The following DDAH1 variants were observed in gnomAD, a reference collection of about 807,000 sequenced individuals.
DDAH1 encodes dimethylarginine dimethylaminohydrolase 1.
A neutral mutation model predicts 28.8 loss-of-function variants in DDAH1; 19 were observed. The ratio of observed to expected loss-of-function variants is 0.66; its 90% CI spans 0.46 to 0.97. The LOEUF (loss-of-function observed/expected upper bound fraction) is 0.97, where lower values mean the gene tolerates loss of function less well. DDAH1 is among the 50% of genes least tolerant of loss of function. The probability of loss-of-function intolerance (pLI) is 0.00; values close to 1 mark genes in which losing one functional copy is unlikely to be tolerated. For synonymous variants in DDAH1, 153 were observed against 154.4 expected, an observed-to-expected ratio of 0.99 and a Z score of 0.07; for missense variants, 326 against 375.9, an observed-to-expected ratio of 0.87 and a Z score of 1.10.
chr1:85,489,667 G>A (rs1175935164), intron 2 of DDAH1, among the ~76,000 whole-genome samples: 1 of 151,970 alleles, frequency 6.6e-6, no homozygotes, highest in Non-Finnish European at 1.5e-5. Context: ...AGATAGAAGG[G>A]AAAAGATGGA....
intron 2 of DDAH1, among the ~76,000 whole-genome samples, chr1:85,480,387 T>A (rs1655965652): frequency 6.6e-6 from 1 of 152,216 alleles, no homozygotes; most frequent in Admixed American, 6.5e-5. Flanking sequence ...ATTAAGTGAC[T>A]AAGTGTGCTA....
chr1:85,441,813 A>G (rs547050234), intron 1 of DDAH1, among the ~76,000 whole-genome samples: 1 of 152,352 alleles, frequency 6.6e-6, no homozygotes, highest in East Asian at 1.9e-4. Flanking sequence ...GATTCAGCAG[A>G]AGAAAGATCT....
chr1:85,558,704 T>C (rs1227382848), intron 1 of DDAH1, among the ~76,000 whole-genome samples: 2 of 152,176 alleles, frequency 1.3e-5, no homozygotes, highest in Non-Finnish European at 2.9e-5. Flanking sequence ...CTAAAAGTAG[T>C]ATATAAGTTA....
Position 85,464,752 on chromosome 1 carries a change from C to G in DDAH1, c.294G>C (p.Arg98=), listed in dbSNP as rs1471365741. The change falls in exon 1 of 6, where the codon CGG becomes CGC. Residue 98 remains arginine (R), a synonymous_variant. Transcript: ENST00000284031. The surrounding 1 kb of genome is among the most constrained non-coding windows in gnomAD (Gnocchi z 4.4). ...ALITRPGAPS[R]RKEVDMMKEA... Reference sequence around the variant, plus strand: ...TCGAGTCGGCAGTTACCTCCTTCCTCCGGCTCGGCGCCCCGGGTCGGGTGA... The same window carrying G: ...TCGAGTCGGCAGTTACCTCCTTCCTGCGGCTCGGCGCCCCGGGTCGGGTGA... The G allele has an allele frequency of 3.2e-6, 5 of 1,546,982 alleles. No homozygotes were observed. Among genetic ancestry groups the G allele is most frequent in the Non-Finnish European group, 4.3e-6 (5 of 1,152,332 alleles).
At chr1:85,332,477 C>T (rs959875052) in intron 4 of DDAH1, among the ~76,000 whole-genome samples, 10 of 152,222 alleles carry the variant, frequency 6.6e-5, no homozygotes, top group African/African-American at 2.4e-5. Flanking sequence ...TGAGGTCAGG[C>T]TGCCACCATT....
chr1:85,511,969 A>G (rs1401915122), intron 1 of DDAH1, among the ~76,000 whole-genome samples: 1 of 152,238 alleles, frequency 6.6e-6, no homozygotes, highest in Non-Finnish European at 1.5e-5. Context: ...AATCAATAGA[A>G]AAAGAGGGAA....
At chr1:85,355,906 T>C (rs1008013480) in intron 2 of DDAH1, among the ~76,000 whole-genome samples, 1 of 152,232 alleles carries the variant, frequency 6.6e-6, no homozygotes, top group Admixed American at 6.5e-5. Context: ...AATAAAGGTA[T>C]CTTGTAGCTT....
At position 85,376,452 on chromosome 1, in the gene DDAH1, T is replaced by C. The variant is rs533968928; in HGVS notation, c.304-17605A>G. Among the ~76,000 whole-genome samples, 3 of 152,298 alleles carry C rather than the reference T, an allele frequency of 2.0e-5. No individual in the cohort carries two copies. The South Asian group carries it at 6.2e-4, about 32-fold the overall frequency. The stretch of plus-strand genomic sequence containing the variant: ...TCAAACAGCAGTTATTTTCTTATAA[T>C]TTTTAAATTCTATATCCATCTTAGA... On this transcript the variant is annotated intron_variant, in intron 1 of 5. Transcript: ENST00000284031.
intron 4 of DDAH1, among the ~76,000 whole-genome samples, chr1:85,331,996 T>C (rs1250605712): frequency 6.6e-6 from 1 of 152,178 alleles, no homozygotes; most frequent in South Asian, 2.1e-4. Context: ...TTCCCAGTGG[T>C]ACATGTTCCC....
At position 85,433,265 on chromosome 1, in the gene DDAH1, G is replaced by A. The variant is rs111835992; in HGVS notation, c.303+31478C>T. On this transcript the variant is annotated intron_variant, in intron 1 of 5. Coordinates refer to ENST00000284031, the MANE Select transcript of DDAH1 (RefSeq NM_012137.4). The stretch of plus-strand genomic sequence containing the variant: ...CAGGACCTGGCAAGGGACTCAGGCT[G>A]GCAGACCTAGGAAGAGGGCAGCAGA... Among the ~76,000 whole-genome samples, 48 of 152,246 alleles carry A rather than the reference G, an allele frequency of 3.2e-4. 1 individual carries two copies. The highest frequency in any genetic ancestry group is 9.4e-4 in the African/African-American group (39 of 41,556).
intron 1 of DDAH1, among the ~76,000 whole-genome samples, chr1:85,459,960 G>C (rs1446718671): frequency 6.6e-6 from 1 of 152,128 alleles, no homozygotes; most frequent in East Asian, 1.9e-4. Context: ...AGGATTAACC[G>C]CAACTGGCAA....
At chr1:85,489,929 A>G (rs918606616) in intron 2 of DDAH1, among the ~76,000 whole-genome samples, 3 of 152,060 alleles carry the variant, frequency 2.0e-5, no homozygotes, top group Non-Finnish European at 4.4e-5. Context: ...GGAAGAAGAA[A>G]GACAGGATTA....
chr1:85,410,767 C>T (rs535461495), intron 1 of DDAH1, among the ~76,000 whole-genome samples: 2 of 152,234 alleles, frequency 1.3e-5, no homozygotes, highest in East Asian at 3.9e-4. Flanking sequence ...TTGGCTTGAC[C>T]TAGTCCTAAG....
intron 1 of DDAH1, among the ~76,000 whole-genome samples, chr1:85,460,583 A>C (rs1177696345): frequency 6.6e-6 from 1 of 152,208 alleles, no homozygotes; most frequent in Non-Finnish European, 1.5e-5. Flanking sequence ...AACAGGGTAC[A>C]TGACAAATAA....
chr1:85,549,735 A>G (rs906341740), intron 1 of DDAH1, among the ~76,000 whole-genome samples: 4 of 152,234 alleles, frequency 2.6e-5, no homozygotes, highest in African/African-American at 9.6e-5. Context: ...AGAGAAGAAG[A>G]TATTCCAAAA....
chr1:85,517,463 G>A (rs1357828763), intron 1 of DDAH1, among the ~76,000 whole-genome samples: 1 of 150,290 alleles, frequency 6.7e-6, no homozygotes, highest in Non-Finnish European at 1.5e-5. Context: ...TAGAATAAAA[G>A]GAAGTTCTGA....
At position 85,320,069 on chromosome 1, in the gene DDAH1, G is replaced by A. The variant is rs1661259126; in HGVS notation, c.*1383C>T. 1.3e-5 allele frequency: 2 copies of A among 152,202 alleles called. No homozygotes were observed. The highest frequency in any genetic ancestry group is 2.9e-5 in the Non-Finnish European group (2 of 68,032). The allele number at this position is 152,202 out of a possible 1,614,324, so 9.4% of individuals were successfully genotyped here. A position where few individuals can be genotyped will look rare whatever the true frequency, so the allele number is the denominator to read the frequency against. ...GGAGATGACTAGGAAGTGTGATAAT[G>A]TGCCTGGATCAGTTACCATTCATTG... On this transcript the variant is annotated 3_prime_UTR_variant, in exon 6 of 6. Coordinates refer to ENST00000284031, the MANE Select transcript of DDAH1 (RefSeq NM_012137.4).
chr1:85,441,369 C>A (rs1050393889), intron 1 of DDAH1, among the ~76,000 whole-genome samples: 2 of 151,944 alleles, frequency 1.3e-5, no homozygotes, highest in African/African-American at 4.8e-5. Context: ...GGTGAAACCC[C>A]GTCTCTACCA....
intron 2 of DDAH1, among the ~76,000 whole-genome samples, chr1:85,471,710 A>G (rs763241122): frequency 6.6e-6 from 1 of 152,198 alleles, no homozygotes; most frequent in East Asian, 1.9e-4. Context: ...TATTTTCACT[A>G]CTTAAAATAC....
Sources: allele counts gnomAD v4.1 joint callset (sites outside exome capture counted in the v4.1 genomes callset), GRCh38; gene constraint gnomAD v4.1.1; non-coding constraint Gnocchi (gnomAD v3.1); transcripts MANE v1.5; gene names NCBI Gene and HGNC (gene_info 2026-07-23, HGNC 2026-07-21).